The following NFASC variants were observed in gnomAD, a reference collection of about 807,000 sequenced individuals.
The protein encoded by NFASC is neurofascin, also known as neurofascin homolog.
A neutral mutation model predicts 147.5 loss-of-function variants in NFASC; 43 were observed. The observed-to-expected ratio is 0.29, with a 90% CI of 0.23 to 0.38. NFASC has a LOEUF of 0.38. Among genes scored for constraint, NFASC ranks in the 10% least tolerant of loss-of-function variants. The pLI is 1.00. For synonymous variants in NFASC, 622 were observed against 665.5 expected (o/e 0.93, Z 1.01); for missense variants, 1,320 against 1,689.0 (o/e 0.78, Z 3.83).
chr1:204,977,485 G>A (rs577530718), intron 16 of NFASC, among the ~76,000 whole-genome samples, 196 bp from the exon 17 acceptor site: 6 of 152,296 alleles, frequency 3.9e-5, no homozygotes, highest in South Asian at 2.1e-4. Context: ...CAGAGGTGCC[G>A]CCCCCAGCTG....
At chr1:204,877,037 T>G (rs6661352) in intron 1 of NFASC, among the ~76,000 whole-genome samples, 1 of 86,502 alleles carries the variant, frequency 1.2e-5, no homozygotes, top group East Asian at 1.5e-3. Flanking sequence ...TAATATATAT[T>G]TATATATATA....
At chr1:205,012,536 G>T (rs188021861) in intron 28 of NFASC, among the ~76,000 whole-genome samples, 14 of 152,296 alleles carry the variant, frequency 9.2e-5, no homozygotes, top group Admixed American at 8.5e-4. Flanking sequence ...TGTGGTGGGG[G>T]GAGCTTGGTA....
At chr1:204,976,641 C>G (rs747102400) in intron 15 of NFASC, 30 bp from the exon 16 acceptor site, 20 of 1,566,508 alleles carry the variant, frequency 1.3e-5, no homozygotes, top group Non-Finnish European at 1.8e-5. Context: ...CCTACCCCCT[C>G]CTCCCAACCC....
intron 1 of NFASC, among the ~76,000 whole-genome samples, chr1:204,865,100 C>G (rs993663120): frequency 6.6e-6 from 1 of 152,090 alleles, no homozygotes; most frequent in African/African-American, 2.4e-5. Flanking sequence ...ATTTTTGACT[C>G]AGTTTTTATA....
chr1:204,983,415 C>T (rs188620156), intron 21 of NFASC, among the ~76,000 whole-genome samples: 2 of 152,228 alleles, frequency 1.3e-5, no homozygotes, highest in Admixed American at 6.5e-5. Context: ...CGGCAAGATA[C>T]GTGATCCACC....
chr1:204,982,541 C>A (rs2095529148), intron 21 of NFASC, among the ~76,000 whole-genome samples: 1 of 152,230 alleles, frequency 6.6e-6, no homozygotes, highest in Non-Finnish European at 1.5e-5. Context: ...CCAGACCAGC[C>A]CCTCCTGGTG....
intron 2 of NFASC, among the ~76,000 whole-genome samples, chr1:204,932,060 T>C (rs74138653): frequency 0.015 from 2,299 of 152,032 alleles, 56 homozygotes; most frequent in African/African-American, 0.053. Context: ...AATAAGGGGA[T>C]ACTATAAGGC....
chr1:205,000,010 G>A (rs896603175), intron 25 of NFASC: 3 of 151,962 alleles, frequency 2.0e-5, no homozygotes, highest in African/African-American at 4.8e-5. Context: ...AAATGATTAC[G>A]TTTGAAGATT....
intron 1 of NFASC, among the ~76,000 whole-genome samples, chr1:204,913,430 A>G (rs1489476876): frequency 2.0e-5 from 3 of 152,230 alleles, no homozygotes; most frequent in African/African-American, 7.2e-5. Flanking sequence ...AAACTACAGT[A>G]ATTAATACGG....
In NFASC at chr1:204,833,675, C is replaced by G. The variant is rs1409446354; in HGVS notation, c.-200+4893C>G. Among the ~76,000 whole-genome samples, 4 of 152,138 alleles carry G rather than the reference C, an allele frequency of 2.6e-5. No individual in the cohort carries two copies. The East Asian group carries it at 7.7e-4, about 29-fold the overall frequency. On this transcript the variant is annotated intron_variant, in intron 1 of 29. Coordinates refer to ENST00000339876, the MANE Select transcript of NFASC (RefSeq NM_001005388.3). ...CCTTGAGAACAAGACAATACAGGGT[C>G]TAATTAAATCTTCATTGGTGCCTCA...
chr1:204,868,002 T>A (rs1407479172), intron 1 of NFASC, among the ~76,000 whole-genome samples: 1 of 152,268 alleles, frequency 6.6e-6, no homozygotes, highest in African/African-American at 2.4e-5. Flanking sequence ...TAAGCTCCTC[T>A]GACAGGGTTA....
At chr1:204,925,680 T>C (rs1175612347) in intron 2 of NFASC, among the ~76,000 whole-genome samples, 1 of 152,236 alleles carries the variant, frequency 6.6e-6, no homozygotes, top group Non-Finnish European at 1.5e-5. Context: ...CTTGCCCCTC[T>C]TTCTTTCCCT....
intron 1 of NFASC, among the ~76,000 whole-genome samples, chr1:204,885,419 T>C (rs1408141029): frequency 6.6e-6 from 1 of 152,084 alleles, no homozygotes; most frequent in African/African-American, 2.4e-5. Context: ...ACTGGGCACC[T>C]CCTTGCCAAA....
At chr1:204,919,807 CAG>C (rs1288233845) in intron 1 of NFASC, among the ~76,000 whole-genome samples, 1 of 152,058 alleles carries the variant, frequency 6.6e-6, no homozygotes, top group Non-Finnish European at 1.5e-5. Context: ...TTAGTAGACA[CAG>C]GGTTTCACCA....
intron 1 of NFASC, among the ~76,000 whole-genome samples, chr1:204,840,146 G>A (rs1674890276): frequency 6.6e-6 from 1 of 152,194 alleles, no homozygotes. Context: ...TCTGGACTGG[G>A]TTTGAGATTC....
intron 1 of NFASC, among the ~76,000 whole-genome samples, chr1:204,861,447 A>G (rs970863328): frequency 6.6e-6 from 1 of 151,944 alleles, no homozygotes; most frequent in African/African-American, 2.4e-5. Flanking sequence ...GCTGGGTCAT[A>G]TGGTAATTCA....
chr1:204,911,532 G>C (rs1387255752), intron 1 of NFASC, among the ~76,000 whole-genome samples: 2 of 152,066 alleles, frequency 1.3e-5, no homozygotes, highest in Non-Finnish European at 2.9e-5. Context: ...AAGGATTTTT[G>C]TGTCTATATC....
chr1:204,964,283 A>G (rs1477440131), intron 8 of NFASC, among the ~76,000 whole-genome samples: 1 of 152,268 alleles, frequency 6.6e-6, no homozygotes, highest in South Asian at 2.1e-4. Context: ...TGTTGGGCAC[A>G]TTCTCGATAC....
chr1:204,994,895 T>C (rs1404818124), intron 24 of NFASC, among the ~76,000 whole-genome samples: 1 of 152,184 alleles, frequency 6.6e-6, no homozygotes, highest in Non-Finnish European at 1.5e-5. Context: ...AGAGAATTGC[T>C]TGAGCCTGGG....
Sources: gnomAD v4.1 joint callset for allele counts (sites outside exome capture counted in the v4.1 genomes callset) on GRCh38, gnomAD v4.1.1 for gene constraint, MANE v1.5 for transcripts, NCBI Gene and HGNC (gene_info 2026-07-23, HGNC 2026-07-21) for gene names.